Variants in KCNMA1 observed in about 807,000 individuals in gnomAD.
KCNMA1 encodes the protein Calcium-activated potassium channel subunit alpha-1.
In KCNMA1, 29 loss-of-function variants were observed where a neutral mutation model predicts 140.0. The observed-to-expected ratio is 0.21, with a 90% CI of 0.15 to 0.28. The LOEUF (loss-of-function observed/expected upper bound fraction) is 0.28. KCNMA1 is among the 10% of genes least tolerant of loss of function. KCNMA1 has a pLI of 1.00. For synonymous variants in KCNMA1, 612 were observed against 611.9 expected (o/e 1.00, Z 0.00); for missense variants, 880 against 1,602.2 (o/e 0.55, Z 7.70).
chr10:76,973,835 C>T (rs939288312), intron 19 of KCNMA1, among the ~76,000 whole-genome samples: 2 of 152,014 alleles, frequency 1.3e-5, no homozygotes, highest in African/African-American at 4.8e-5. Context: ...TACCAAGCCT[C>T]TTTATGGTCC....
intron 14 of KCNMA1, among the ~76,000 whole-genome samples, chr10:77,067,473 A>ATCTCTC (rs78621121): frequency 2.0e-5 from 3 of 151,052 alleles, no homozygotes; most frequent in East Asian, 2.0e-4. Context: ...TATAATCAAC[A>ATCTCTC]TCTCTCTCTC....
rs1224838953 is a variant in KCNMA1, at chr10:76,885,828, T to TAA, written c.*1436_*1437dup. 1 of 985,066 alleles carries TAA rather than the reference T, an allele frequency of 1.0e-6. No homozygotes were observed. Among genetic ancestry groups the TAA allele is most frequent in the East Asian group, 1.1e-4 (1 of 8,818 alleles). 61.0% of individuals were successfully genotyped at this position (985,066 alleles called of 1,614,324 possible). On this transcript the variant is annotated 3_prime_UTR_variant, in exon 28 of 28. Coordinates refer to ENST00000286628, the MANE Select transcript of KCNMA1 (RefSeq NM_001161352.2). ...TTTCTACCTCTCCTCTCATGCTTACTAAGTGTTAAAAAAGAAAGAAAACAA... is the reference window on the plus strand; with the variant it reads ...TTTCTACCTCTCCTCTCATGCTTACTAAAAGTGTTAAAAAAGAAAGAAAACAA...
At chr10:77,048,500 G>A (rs1269214402) in intron 14 of KCNMA1, among the ~76,000 whole-genome samples, 1 of 152,166 alleles carries the variant, frequency 6.6e-6, no homozygotes, top group Non-Finnish European at 1.5e-5. Context: ...AGAATGGGGA[G>A]GGGATTCTGT....
chr10:77,117,456 G>A (rs962932007), intron 6 of KCNMA1, among the ~76,000 whole-genome samples: 11 of 146,386 alleles, frequency 7.5e-5, no homozygotes. Flanking sequence ...GGCTGAGGCA[G>A]GAGAATGGCT....
At chr10:77,346,743 G>A (rs2092221882) in intron 2 of KCNMA1, among the ~76,000 whole-genome samples, 2 of 152,128 alleles carry the variant, frequency 1.3e-5, no homozygotes, top group Admixed American at 1.3e-4. Context: ...ATATCAATGG[G>A]CCACCATCTG....
exon 28 of KCNMA1, chr10:76,869,647 A>C (rs1168205797): frequency 6.6e-6 from 1 of 152,616 alleles, no homozygotes; most frequent in Non-Finnish European, 1.5e-5. Context: ...AAAAATACAA[A>C]ATGAAACCAT....
At chr10:76,870,791 T>C (rs1481011923) in exon 28 of KCNMA1, 1 of 152,226 alleles carries the variant, frequency 6.6e-6, no homozygotes, top group Non-Finnish European at 1.5e-5. Flanking sequence ...AGTGGCCGAG[T>C]GACTGCCCAC....
intron 2 of KCNMA1, among the ~76,000 whole-genome samples, chr10:77,288,356 A>G (rs1002381140): frequency 3.9e-5 from 6 of 152,324 alleles, no homozygotes; most frequent in African/African-American, 1.2e-4. Context: ...TGTGTACATC[A>G]CTGAGCCTTT....
At chr10:77,321,738 G>T (rs1424327875) in intron 2 of KCNMA1, among the ~76,000 whole-genome samples, 1 of 151,164 alleles carries the variant, frequency 6.6e-6, no homozygotes, top group Non-Finnish European at 1.5e-5. Context: ...GATTTGTTTT[G>T]TTTTGTGTTT....
At chr10:77,117,375 CCT>C (rs1362408543) in intron 6 of KCNMA1, among the ~76,000 whole-genome samples, 1 of 151,098 alleles carries the variant, frequency 6.6e-6, no homozygotes, top group African/African-American at 2.4e-5. Flanking sequence ...ACGGTGAAAC[CCT>C]GTCTCTACTA....
chr10:77,517,361 C>G (rs1014710466), intron 1 of KCNMA1, among the ~76,000 whole-genome samples: 1 of 152,204 alleles, frequency 6.6e-6, no homozygotes, highest in Non-Finnish European at 1.5e-5. Context: ...CCTCTCAGGC[C>G]CCCTGGGCGT....
intron 9 of KCNMA1, among the ~76,000 whole-genome samples, chr10:77,095,769 C>T (rs1383016363): frequency 1.3e-5 from 2 of 152,126 alleles, no homozygotes; most frequent in African/African-American, 4.8e-5. Context: ...GCCAGGAAAG[C>T]CTGCATGCCC....
At chr10:77,537,029 G>A (rs560523200) in intron 1 of KCNMA1, among the ~76,000 whole-genome samples, 67 of 152,228 alleles carry the variant, frequency 4.4e-4, no homozygotes, top group Non-Finnish European at 5.6e-4. Flanking sequence ...CATTTCCTTC[G>A]TAGGTTCAGC....
chr10:77,137,341 G>A (rs549342140), intron 5 of KCNMA1, among the ~76,000 whole-genome samples: 11 of 152,190 alleles, frequency 7.2e-5, no homozygotes, highest in African/African-American at 2.2e-4. Context: ...TCCAATAAAC[G>A]TCTGTCGTTT....
chr10:77,123,101 A>G (rs2097654909), intron 5 of KCNMA1, among the ~76,000 whole-genome samples: 1 of 139,018 alleles, frequency 7.2e-6, no homozygotes, highest in Non-Finnish European at 1.5e-5. Flanking sequence ...AATGGCGTGT[A>G]CCCGGGAGGC....
chr10:77,285,636 GA>G (rs778765599), intron 2 of KCNMA1, among the ~76,000 whole-genome samples: 2 of 151,984 alleles, frequency 1.3e-5, no homozygotes, highest in Non-Finnish European at 2.9e-5. Context: ...GTAGTAAACT[GA>G]AATGACTGGA....
rs918235523 is a variant in KCNMA1 at position 77,440,813 on chromosome 10, T to TTTTTTG, written c.379-36796_379-36791dup. 2.6e-5 allele frequency among the ~76,000 whole-genome samples: 4 copies of TTTTTTG among 152,096 alleles called. No individual in the cohort carries two copies. In the East Asian group the frequency reaches 5.8e-4, roughly 22 times the overall value. Reference sequence around the variant, plus strand: ...GCATTCCAGCAAGAATCAAAATTCTTTTTTTGTTTTTGTTTTTGTTTTTGA... The same window carrying TTTTTTG: ...GCATTCCAGCAAGAATCAAAATTCTTTTTTTGTTTTTGTTTTTGTTTTTGTTTTTGA... On this transcript the variant is annotated intron_variant, in intron 1 of 27. Transcript: ENST00000286628.
intron 1 of KCNMA1, among the ~76,000 whole-genome samples, chr10:77,571,442 C>T (rs938190260): frequency 6.6e-6 from 1 of 152,176 alleles, no homozygotes; most frequent in African/African-American, 2.4e-5. Flanking sequence ...TCCTGGGTCA[C>T]CCAGGCAGTA....
At chr10:77,154,421 T>G (rs547073107) in intron 5 of KCNMA1, among the ~76,000 whole-genome samples, 1 of 152,302 alleles carries the variant, frequency 6.6e-6, no homozygotes, top group Admixed American at 6.5e-5. Context: ...TGAATGTCGC[T>G]TGCCTTTCAA....
Sources: gnomAD v4.1 joint callset for allele counts (sites outside exome capture counted in the v4.1 genomes callset) on GRCh38, gnomAD v4.1.1 for gene constraint, MANE v1.5 for transcripts, NCBI Gene and HGNC (gene_info 2026-07-23, HGNC 2026-07-21) for gene names.